The following NKAIN2 variants were observed in gnomAD, a reference collection of about 807,000 sequenced individuals.
The protein encoded by NKAIN2 is sodium/potassium-transporting ATPase subunit beta-1-interacting protein 2.
In NKAIN2, 14 loss-of-function variants were observed where a neutral mutation model predicts 32.6. The observed-to-expected ratio is 0.43, with a 90% confidence interval of 0.28 to 0.67. The LOEUF is 0.67. NKAIN2 is among the 30% of genes least tolerant of loss of function. NKAIN2 has a pLI of 0.17. For missense variants in NKAIN2, 198 were observed against 258.3 expected (o/e 0.77, Z 1.60); for synonymous variants, 80 against 87.2 (o/e 0.92, Z 0.46).
chr6:124,046,216 A>G (rs1397727642), intron 1 of NKAIN2, among the ~76,000 whole-genome samples: 1 of 152,002 alleles, frequency 6.6e-6, no homozygotes, highest in African/African-American at 2.4e-5. Flanking sequence ...GCAGTATGCT[A>G]CTATATAAAT....
intron 1 of NKAIN2, among the ~76,000 whole-genome samples, chr6:123,947,456 A>G (rs1777117863): frequency 6.6e-6 from 1 of 151,570 alleles, no homozygotes; most frequent in Non-Finnish European, 1.5e-5. Context: ...TCTTCCCTTC[A>G]CTCCCCTATA....
intron 3 of NKAIN2, among the ~76,000 whole-genome samples, chr6:124,591,443 C>T (rs1194352181): frequency 6.6e-6 from 1 of 152,024 alleles, no homozygotes; most frequent in African/African-American, 2.4e-5. Context: ...GCCTTCAAAC[C>T]AGTATGTTCT....
chr6:124,262,057 G>A (rs1483581063), intron 1 of NKAIN2, among the ~76,000 whole-genome samples: 1 of 151,988 alleles, frequency 6.6e-6, no homozygotes, highest in East Asian at 1.9e-4. Context: ...GGCAGAGCCA[G>A]GTGTTATTCA....
chr6:124,236,064 AGT>A (rs144703747), intron 1 of NKAIN2, among the ~76,000 whole-genome samples: 1,568 of 152,186 alleles, frequency 0.01, 29 homozygotes, highest in African/African-American at 0.035. Context: ...TGAGGTCTTG[AGT>A]GGCATTCTTG....
chr6:124,103,290 C>T lies in NKAIN2; in HGVS notation c.55-179715C>T, dbSNP rs147159720. 6.6e-3 allele frequency among the ~76,000 whole-genome samples: 1,009 copies of T among 151,974 alleles called. 10 individuals are homozygous for T. Among genetic ancestry groups the T allele is most frequent in the African/African-American group, 0.024 (977 of 41,354 alleles). On this transcript the variant is annotated intron_variant, in intron 1 of 6. Coordinates refer to ENST00000368417, the MANE Select transcript of NKAIN2 (RefSeq NM_001040214.3). ...ATACCCTGAAAAATAGAGCGTGAAT[C>T]GAAAAGAACTTTCCTTAATATTATC...
chr6:123,964,459 A>G lies in NKAIN2; in HGVS notation c.54+160205A>G, dbSNP rs9491021. On this transcript the variant is annotated intron_variant, in intron 1 of 6. Coordinates refer to ENST00000368417, the MANE Select transcript of NKAIN2 (RefSeq NM_001040214.3). This position sits in a 1 kb window ranked among gnomAD's most constrained non-coding sequence, Gnocchi z 4.0. ...AATCCTAGTCATCTGGATCAGGTAT[A>G]TAAAAACTTCCCTTAAAAGTGGTCT... is the stretch of plus-strand genomic sequence containing the variant. Among the ~76,000 whole-genome samples the G allele has an allele frequency of 0.026, 3,936 of 152,248 alleles. 163 individuals are homozygous for G. The highest frequency in any genetic ancestry group is 0.089 in the African/African-American group (3,704 of 41,538).
chr6:123,869,593 C>G (rs984583531), intron 1 of NKAIN2, among the ~76,000 whole-genome samples: 1 of 152,146 alleles, frequency 6.6e-6, no homozygotes, highest in Non-Finnish European at 1.5e-5. Flanking sequence ...TACAGGGACA[C>G]GTTTGAAGTC....
chr6:123,937,374 A>C (rs1342399851), intron 1 of NKAIN2, among the ~76,000 whole-genome samples: 1 of 152,106 alleles, frequency 6.6e-6, no homozygotes, highest in African/African-American at 2.4e-5. Flanking sequence ...AATGGACTCC[A>C]GGTATCTCTA....
At chr6:124,295,304 T>C (rs1264356746) in intron 2 of NKAIN2, among the ~76,000 whole-genome samples, 1 of 151,914 alleles carries the variant, frequency 6.6e-6, no homozygotes, top group Non-Finnish European at 1.5e-5. Context: ...TGTTCTTTTC[T>C]TCTTCTTACT....
chr6:123,903,039 A>C (rs1351306571), intron 1 of NKAIN2, among the ~76,000 whole-genome samples: 1 of 152,222 alleles, frequency 6.6e-6, no homozygotes, highest in Admixed American at 6.5e-5. Context: ...TAATTTCAAG[A>C]AACAAAGAAG....
chr6:124,411,118 G>A (rs527756017), intron 3 of NKAIN2, among the ~76,000 whole-genome samples: 1 of 152,030 alleles, frequency 6.6e-6, no homozygotes, highest in South Asian at 2.1e-4. Flanking sequence ...ACACTGATGG[G>A]TCTTGACTCT....
At chr6:124,499,074 C>G (rs187680262) in intron 3 of NKAIN2, among the ~76,000 whole-genome samples, 11 of 152,006 alleles carry the variant, frequency 7.2e-5, no homozygotes, top group Non-Finnish European at 1.3e-4. Context: ...GGCCAATGTA[C>G]TTATCTTTTC....
intron 3 of NKAIN2, among the ~76,000 whole-genome samples, chr6:124,493,247 G>A (rs1426798276): frequency 6.6e-6 from 1 of 151,864 alleles, no homozygotes; most frequent in Non-Finnish European, 1.5e-5. Flanking sequence ...AACATATTTA[G>A]CCTAGATATA....
Position 124,791,383 on chromosome 6 carries a change from T to C in NKAIN2, c.519T>C (p.Thr173=). 1 of 1,606,848 alleles carries C rather than the reference T, an allele frequency of 6.2e-7. No homozygotes were observed. Among genetic ancestry groups the C allele is most frequent in the East Asian group, 2.2e-5 (1 of 44,768 alleles). The change falls in exon 5 of 7, where the codon ACT becomes ACC. Residue 173 remains threonine (T), a synonymous_variant. Transcript: ENST00000368417. ...CCTGTTATGTTGTGAAATGTATAAC[T>C]GAAGAAGAGGACAGCTGTAAGTATT... ...IYACYVVKCI[T]EEEDSFDFIG...
chr6:124,300,902 T>C (rs1246614195), intron 2 of NKAIN2, among the ~76,000 whole-genome samples: 1 of 152,160 alleles, frequency 6.6e-6, no homozygotes, highest in Non-Finnish European at 1.5e-5. Context: ...ATTTGCAGCC[T>C]GATATTGCAG....
chr6:124,638,887 CAAA>C (rs35802663), intron 3 of NKAIN2, among the ~76,000 whole-genome samples: 1 of 82,630 alleles, frequency 1.2e-5, no homozygotes, highest in Admixed American at 1.4e-4. Flanking sequence ...GAGACTCTGT[CAAA>C]AAAAAAAAAA....
At chr6:124,628,155 C>A (rs961119692) in intron 3 of NKAIN2, among the ~76,000 whole-genome samples, 2 of 152,096 alleles carry the variant, frequency 1.3e-5, no homozygotes. Context: ...TCCACAATTC[C>A]CTCTTACATC....
At chr6:123,940,521 G>T (rs1311898071) in intron 1 of NKAIN2, among the ~76,000 whole-genome samples, 1 of 151,968 alleles carries the variant, frequency 6.6e-6, no homozygotes, top group African/African-American at 2.4e-5. Flanking sequence ...CACATCTAGG[G>T]CATATGATAT....
At chr6:124,521,207 C>G (rs1257433335) in intron 3 of NKAIN2, among the ~76,000 whole-genome samples, 1 of 152,168 alleles carries the variant, frequency 6.6e-6, no homozygotes, top group African/African-American at 2.4e-5. Flanking sequence ...GCCTTGTTCC[C>G]ATCACTGTTC....
Sources: gnomAD v4.1 joint callset for allele counts (sites outside exome capture counted in the v4.1 genomes callset) on GRCh38, gnomAD v4.1.1 for gene constraint, Gnocchi (gnomAD v3.1) non-coding constraint, MANE v1.5 for transcripts, NCBI Gene and HGNC (gene_info 2026-07-23, HGNC 2026-07-21) for gene names.